SDK1: variants seen among roughly 807,000 people sequenced by gnomAD.
SDK1 encodes the protein protein sidekick-1.
In SDK1, 157 loss-of-function variants were observed where a neutral mutation model predicts 245.5. That is an observed-to-expected ratio of 0.64 (90% CI 0.56 to 0.73). The LOEUF is 0.73. Ranked by LOEUF, SDK1 falls within the 30% of genes least tolerant of loss-of-function variation. The pLI is 0.00. For missense variants in SDK1, 3,583 were observed against 3,002.3 expected (o/e 1.19, Z -4.52); for synonymous variants, 1,647 against 1,278.5 (o/e 1.29, Z -6.15).
intron 20 of SDK1, among the ~76,000 whole-genome samples, chr7:4,073,685 G>T (rs1025321343): frequency 1.5e-4 from 23 of 152,216 alleles, no homozygotes; most frequent in African/African-American, 4.8e-4. Flanking sequence ...ACCCACCAAG[G>T]TCAGGGATGT....
At chr7:3,597,138 G>C (rs529347227) in intron 1 of SDK1, among the ~76,000 whole-genome samples, 1 of 152,136 alleles carries the variant, frequency 6.6e-6, no homozygotes, top group South Asian at 2.1e-4. Flanking sequence ...CGGATGTGGT[G>C]GCGGGTGCCT....
chr7:3,834,781 A>T (rs1779993494), intron 5 of SDK1, among the ~76,000 whole-genome samples: 1 of 152,202 alleles, frequency 6.6e-6, no homozygotes, highest in South Asian at 2.1e-4. Flanking sequence ...GGAAGAGTGC[A>T]TGACGAGTAA....
intron 1 of SDK1, among the ~76,000 whole-genome samples, chr7:3,582,034 TCTCAGGTAGGTCTCC>T (rs1307391012): frequency 6.7e-4 from 97 of 145,704 alleles, no homozygotes; most frequent in African/African-American, 2.2e-3. Context: ...GGTAGATCTG[TCTCAGGTAGGTCTCC>T]CTCAGGTAGG....
chr7:3,570,818 C>T (rs939332241), intron 1 of SDK1, among the ~76,000 whole-genome samples: 1 of 149,660 alleles, frequency 6.7e-6, no homozygotes, highest in Non-Finnish European at 1.5e-5. Flanking sequence ...AATTAATGTT[C>T]TTTGTTTTGT....
Position 3,685,589 on chromosome 7 carries a change from G to A in SDK1, c.713+43484G>A, listed in dbSNP as rs536261150. ...ACTTCTGTTGAGGTTCATATGTGAT[G>A]GTTGATGCAAAAATTGTAACTTTAT... is the stretch of plus-strand genomic sequence containing the variant. On this transcript the variant is annotated intron_variant, in intron 4 of 44. Transcript: ENST00000404826. Among the ~76,000 whole-genome samples, 6 of 152,262 alleles carry A rather than the reference G, an allele frequency of 3.9e-5. No homozygotes were observed. In the South Asian group the frequency reaches 1.0e-3, roughly 26 times the overall value.
At chr7:3,987,085 C>T in intron 13 of SDK1, 101 bp from the exon 14 acceptor site, 1 of 1,185,970 alleles carries the variant, frequency 8.4e-7, no homozygotes, top group Non-Finnish European at 1.2e-6. Flanking sequence ...ATTCATTTCC[C>T]AAACATGACA....
chr7:4,260,461 T>C (rs112892477), intron 44 of SDK1, among the ~76,000 whole-genome samples: 20 of 123,522 alleles, frequency 1.6e-4, no homozygotes, highest in South Asian at 3.0e-4. Flanking sequence ...TGCTCCGGGG[T>C]CTCTGTGTGT....
chr7:4,080,833 C>T (rs962842567), intron 22 of SDK1, among the ~76,000 whole-genome samples: 12 of 151,586 alleles, frequency 7.9e-5, no homozygotes, highest in Non-Finnish European at 7.4e-5. Context: ...ATTGTGCACA[C>T]GTACCCTAAA....
Position 4,027,719 on chromosome 7 carries a change from T to C in SDK1, c.2602+10367T>C, listed in dbSNP as rs960336056. Among the ~76,000 whole-genome samples the C allele has an allele frequency of 2.6e-5, 4 of 152,186 alleles. No homozygotes were observed. In the Middle Eastern group the frequency reaches 9.5e-3, roughly 361 times the overall value. The stretch of plus-strand genomic sequence containing the variant: ...AGGGGTGTTGCAAATAAGCTTTATA[T>C]TAATTTCATCACATTATATGACTTA... On this transcript the variant is annotated intron_variant, in intron 17 of 44. Coordinates refer to ENST00000404826, the MANE Select transcript of SDK1 (RefSeq NM_152744.4).
intron 4 of SDK1, among the ~76,000 whole-genome samples, chr7:3,652,085 A>G (rs1783029347): frequency 6.6e-6 from 1 of 152,218 alleles, no homozygotes; most frequent in Non-Finnish European, 1.5e-5. Context: ...TAGTTAGGAA[A>G]TATTTAGTAA....
chr7:3,381,979 C>T (rs978430295), intron 1 of SDK1, among the ~76,000 whole-genome samples: 1 of 152,082 alleles, frequency 6.6e-6, no homozygotes, highest in South Asian at 2.1e-4. Flanking sequence ...AAAACTTAAC[C>T]GTTCGTCTTA....
intron 22 of SDK1, among the ~76,000 whole-genome samples, chr7:4,100,088 CAACGGAGCAG>C (rs1484925211): frequency 6.6e-6 from 1 of 152,214 alleles, no homozygotes; most frequent in African/African-American, 2.4e-5. Context: ...CCTTCCTGGG[CAACGGAGCAG>C]AAGTCCTCAC....
chr7:3,865,429 T>C (rs866688555), intron 5 of SDK1, among the ~76,000 whole-genome samples: 3 of 152,198 alleles, frequency 2.0e-5, no homozygotes, highest in Non-Finnish European at 4.4e-5. Flanking sequence ...CATTTACAAA[T>C]ATGTATGCTT....
intron 1 of SDK1, among the ~76,000 whole-genome samples, chr7:3,562,084 C>T (rs768180302): frequency 2.6e-5 from 4 of 152,206 alleles, no homozygotes; most frequent in South Asian, 2.1e-4. Flanking sequence ...CAGAATGCCA[C>T]GCCTTGTCTC....
At chr7:4,165,329 A>G (rs2128214148) in intron 32 of SDK1, among the ~76,000 whole-genome samples, 1 of 152,310 alleles carries the variant, frequency 6.6e-6, no homozygotes, top group South Asian at 2.1e-4. Context: ...ATTGCACTCC[A>G]GCCTGGGCAA....
At chr7:3,952,622 T>C (rs1780926161) in intron 7 of SDK1, among the ~76,000 whole-genome samples, 1 of 152,038 alleles carries the variant, frequency 6.6e-6, no homozygotes, top group African/African-American at 2.4e-5. Context: ...TTCTATTAAT[T>C]ATTAATTTAG....
At chr7:4,224,034 C>A (rs1456800142) in intron 40 of SDK1, among the ~76,000 whole-genome samples, 1 of 152,126 alleles carries the variant, frequency 6.6e-6, no homozygotes, top group African/African-American at 2.4e-5. Flanking sequence ...ATACGTCTTC[C>A]AAGGAACCAC....
At position 4,234,028 on chromosome 7, in the gene SDK1, G is replaced by C. The variant is rs1020614180; in HGVS notation, c.5992+609G>C. Among the ~76,000 whole-genome samples, 4 of 152,202 alleles carry C rather than the reference G, an allele frequency of 2.6e-5. No homozygotes were observed. The East Asian group carries it at 5.8e-4, about 22-fold the overall frequency. On this transcript the variant is annotated intron_variant, in intron 41 of 44. Transcript: ENST00000404826. ...GCCCCGATCCCCTGTGTTAGCTGAC[G>C]CATCCTTGCCGAGGAGCATGTGTGA...
intron 1 of SDK1, among the ~76,000 whole-genome samples, chr7:3,328,076 C>G (rs1200279764): frequency 6.6e-6 from 1 of 152,012 alleles, no homozygotes; most frequent in Non-Finnish European, 1.5e-5. Flanking sequence ...TAACGTGTTA[C>G]TGGTATGGTA....
Sources: allele counts gnomAD v4.1 joint callset (sites outside exome capture counted in the v4.1 genomes callset), GRCh38; gene constraint gnomAD v4.1.1; transcripts MANE v1.5; gene names NCBI Gene and HGNC (gene_info 2026-07-23, HGNC 2026-07-21).